ATG7: variants seen among roughly 807,000 people sequenced by gnomAD.
ATG7 encodes autophagy related 7, also known as ubiquitin-like modifier-activating enzyme ATG7.
Under a neutral mutation model 82.4 loss-of-function variants are expected in ATG7, and 70 were observed. The ratio of observed to expected loss-of-function variants is 0.85; its 90% CI spans 0.70 to 1.04. The LOEUF is 1.04. Among genes scored for constraint, ATG7 ranks in the 50% least tolerant of loss-of-function variants. The pLI, the probability that ATG7 is intolerant of heterozygous loss-of-function variation, is 0.00. For missense variants in ATG7, 792 were observed against 864.3 expected (o/e 0.92, Z 1.05); for synonymous variants, 287 against 313.0 (o/e 0.92, Z 0.88).
intron 19 of ATG7, among the ~76,000 whole-genome samples, chr3:11,425,464 A>G (rs2082287004): frequency 6.6e-6 from 1 of 152,136 alleles, no homozygotes; most frequent in African/African-American, 2.4e-5. Context: ...ATATGTCTTC[A>G]ATGTCTGCTA....
At chr3:11,548,101 C>A (rs1467592228) in intron 20 of ATG7, among the ~76,000 whole-genome samples, 1 of 152,174 alleles carries the variant, frequency 6.6e-6, no homozygotes, top group Non-Finnish European at 1.5e-5. Context: ...ACCTTGGCCT[C>A]CCAAAGTGCT....
At chr3:11,373,419 G>C (rs899875073) in intron 18 of ATG7, among the ~76,000 whole-genome samples, 1 of 152,088 alleles carries the variant, frequency 6.6e-6, no homozygotes, top group African/African-American at 2.4e-5. Context: ...ACCACGGGAG[G>C]GTGTAACTAA....
chr3:11,520,806 A>G (rs1575170909), intron 20 of ATG7, among the ~76,000 whole-genome samples: 1 of 152,310 alleles, frequency 6.6e-6, no homozygotes, highest in South Asian at 2.1e-4. Context: ...AGCATTTAAT[A>G]ATAATAAAGA....
At chr3:11,562,162 G>GTCCAAATCCTCAAC (rs2073081473), downstream of ATG7, among the ~76,000 whole-genome samples, 1 of 152,072 alleles carries the variant, frequency 6.6e-6, no homozygotes. Flanking sequence ...CCCCCAAAGG[G>GTCCAAATCCTCAAC]CTGGGATTAC....
chr3:11,336,448 A>G (rs979640297), intron 11 of ATG7, among the ~76,000 whole-genome samples: 2 of 152,324 alleles, frequency 1.3e-5, no homozygotes, highest in Admixed American at 1.3e-4. Flanking sequence ...AATGTAGATT[A>G]TTTAGCTTAG....
intron 20 of ATG7, among the ~76,000 whole-genome samples, chr3:11,523,169 C>T (rs2092485625): frequency 6.6e-6 from 1 of 152,168 alleles, no homozygotes. Flanking sequence ...AAGGATTAGT[C>T]AGAAGTCATG....
In ATG7 at chr3:11,521,691, T is replaced by C. The variant is rs528185307; in HGVS notation, c.2080-33120T>C. On this transcript the variant is annotated intron_variant, in intron 20 of 20. Transcript: ENST00000693202. Reference sequence around the variant, plus strand: ...CCTCAGCCTCCCGAGTAGCTGGGATTACAGGCGCCTGCCACCACGCCTGGC... The same window carrying C: ...CCTCAGCCTCCCGAGTAGCTGGGATCACAGGCGCCTGCCACCACGCCTGGC... Among the ~76,000 whole-genome samples, 3 of 152,220 alleles carry C rather than the reference T, an allele frequency of 2.0e-5. No individual in the cohort carries two copies. In the East Asian group the frequency reaches 5.8e-4, roughly 29 times the overall value.
intron 14 of ATG7, among the ~76,000 whole-genome samples, chr3:11,355,824 C>A (rs971049243): frequency 6.6e-6 from 1 of 152,108 alleles, no homozygotes; most frequent in Admixed American, 6.5e-5. Context: ...TACCTTGTGA[C>A]CCAGAAATTG....
At position 11,364,731 on chromosome 3, in the gene ATG7, C is replaced by G. The variant is rs762282055; in HGVS notation, c.1872C>G (p.His624Gln). Residue 624 changes from histidine (H) to glutamine (Q), a missense_variant, in exon 18 of 21, where the codon CAC becomes CAG. Coordinates refer to ENST00000693202, the MANE Select transcript of ATG7 (RefSeq NM_001349232.2). ...CAACCTCTCTTGGGCTTGTGCCTCA[C>G]CAGGTTAGTGATGTGGAAGTGAAAT... ...EPPTSLGLVPHQIRGFLSRFD... is the reference protein window; with the variant it reads ...EPPTSLGLVPQQIRGFLSRFD... The G allele has an allele frequency of 3.1e-6, 5 of 1,614,002 alleles. No individual in the cohort carries two copies. The highest frequency in any genetic ancestry group is 4.2e-6 in the Non-Finnish European group (5 of 1,179,896).
intron 20 of ATG7, among the ~76,000 whole-genome samples, chr3:11,537,441 G>A (rs1268673333): frequency 1.3e-5 from 2 of 152,166 alleles, no homozygotes; most frequent in Admixed American, 6.5e-5. Context: ...GCTGATCAGC[G>A]AGAGCCAAAC....
chr3:11,299,642 G>A (rs116113289), intron 5 of ATG7, among the ~76,000 whole-genome samples: 297 of 152,214 alleles, frequency 2.0e-3, no homozygotes, highest in African/African-American at 6.8e-3. Context: ...TCAATTAGGT[G>A]CCAGGTGCCA....
At position 11,556,119 on chromosome 3, in the gene ATG7, A is replaced by AAAAG. The variant is rs1223093934; in HGVS notation, c.*1278_*1281dup. 4 of 152,790 alleles carry AAAAG rather than the reference A, an allele frequency of 2.6e-5. No individual in the cohort carries two copies. Among genetic ancestry groups the AAAAG allele is most frequent in the Non-Finnish European group, 5.9e-5 (4 of 68,038 alleles). 9.5% of individuals were successfully genotyped at this position (152,790 alleles called of 1,614,324 possible). On this transcript the variant is annotated 3_prime_UTR_variant, in exon 21 of 21. Coordinates refer to ENST00000693202, the MANE Select transcript of ATG7 (RefSeq NM_001349232.2). ...TCTTAAGGCTACTTTTAAGTACAAA[A>AAAAG]AAAGATGGCCTGCCAAACCTTTTTT...
intron 14 of ATG7, among the ~76,000 whole-genome samples, chr3:11,357,624 T>G (rs149361497): frequency 8.5e-5 from 13 of 152,242 alleles, no homozygotes; most frequent in African/African-American, 2.4e-4. Flanking sequence ...TCAAATTATA[T>G]TTGCTAGAAC....
chr3:11,422,720 C>T (rs1425961500), intron 19 of ATG7, among the ~76,000 whole-genome samples: 1 of 136,096 alleles, frequency 7.3e-6, no homozygotes, highest in Non-Finnish European at 1.5e-5. Flanking sequence ...GCCTTCCTCA[C>T]TATGCTTAAT....
chr3:11,304,356 G>A (rs1472405772), intron 5 of ATG7: 1 of 152,286 alleles, frequency 6.6e-6, no homozygotes, highest in African/African-American at 2.4e-5. Flanking sequence ...AAAATCACAT[G>A]TGGTGTGGTT....
At chr3:11,547,754 T>C (rs764111805) in intron 20 of ATG7, among the ~76,000 whole-genome samples, 1 of 152,258 alleles carries the variant, frequency 6.6e-6, no homozygotes, top group Non-Finnish European at 1.5e-5. Context: ...TGATTCACAT[T>C]TTCCTGATGA....
intron 3 of ATG7, among the ~76,000 whole-genome samples, chr3:11,283,106 A>G (rs1943345982): frequency 6.6e-6 from 1 of 152,200 alleles, no homozygotes; most frequent in Non-Finnish European, 1.5e-5. Flanking sequence ...GCTCAGAGAA[A>G]TCGGACACTG....
At chr3:11,564,136 T>C in the ATG7 span, among the ~76,000 whole-genome samples, 1 of 152,228 alleles carries the variant, frequency 6.6e-6, no homozygotes, top group Non-Finnish European at 1.5e-5. Flanking sequence ...ATTTTGAGCC[T>C]CCTCAATGCT....
intron 5 of ATG7, among the ~76,000 whole-genome samples, chr3:11,303,533 G>A (rs559061307): frequency 6.6e-6 from 1 of 151,636 alleles, no homozygotes; most frequent in Non-Finnish European, 1.5e-5. Flanking sequence ...GCCGGGCGTG[G>A]TGCCGGCGCC....
Sources: gnomAD v4.1 joint callset for allele counts (sites outside exome capture counted in the v4.1 genomes callset) on GRCh38, gnomAD v4.1.1 for gene constraint, MANE v1.5 for transcripts, NCBI Gene and HGNC (gene_info 2026-07-23, HGNC 2026-07-21) for gene names.